The following CLYBL variants were observed in gnomAD, a reference collection of about 807,000 sequenced individuals.
The protein encoded by CLYBL is citramalyl-CoA lyase, mitochondrial.
Under a neutral mutation model 38.9 loss-of-function variants are expected in CLYBL, and 31 were observed. The ratio of observed to expected loss-of-function variants is 0.80; its 90% CI spans 0.60 to 1.08. The LOEUF (loss-of-function observed/expected upper bound fraction) is 1.08. Ranked by LOEUF, CLYBL falls within the 50% of genes least tolerant of loss-of-function variation. The pLI is 0.00. For missense variants in CLYBL, 434 were observed against 411.6 expected, an observed-to-expected ratio of 1.05 and a Z score of -0.47; for synonymous variants, 171 against 158.6, an observed-to-expected ratio of 1.08 and a Z score of -0.59.
intron 1 of CLYBL, among the ~76,000 whole-genome samples, chr13:99,767,163 G>A (rs1313465302): frequency 6.6e-6 from 1 of 152,172 alleles, no homozygotes; most frequent in Non-Finnish European, 1.5e-5. Context: ...CCTGGTGATC[G>A]GCATAATGTG....
In CLYBL at chr13:99,864,888, GAGA is replaced by G. The variant is rs757071703; in HGVS notation, c.615_617del (p.Glu205del). 23 of 1,613,742 alleles carry G rather than the reference GAGA, an allele frequency of 1.4e-5. No individual in the cohort carries two copies. Among genetic ancestry groups the G allele is most frequent in the Middle Eastern group, 1.6e-4 (1 of 6,062 alleles). ...TTTCTAGATGCAGTCGTTTTTGGAG[GAGA>G]AGACTTTCGAGCCAGCATAGGTGTC... On this transcript the variant is annotated inframe_deletion, in exon 5 of 9. Transcript: ENST00000339105.
chr13:99,823,322 A>G (rs1245909653), intron 2 of CLYBL, among the ~76,000 whole-genome samples: 3 of 152,168 alleles, frequency 2.0e-5, no homozygotes, highest in Non-Finnish European at 4.4e-5. Context: ...TCAGCCTACC[A>G]AGTAGCTGAG....
Position 99,606,769 on chromosome 13 carries a change from TC to T in CLYBL, c.62+16del. 7.1e-7 allele frequency: 1 copy of T among 1,415,566 alleles called. No individual in the cohort carries two copies. The highest frequency in any genetic ancestry group is 9.2e-7 in the Non-Finnish European group (1 of 1,087,598). The allele number at this position is 1,415,566 out of a possible 1,614,324, so 87.7% of individuals were successfully genotyped here. A position where few individuals can be genotyped will look rare whatever the true frequency, so the allele number is the denominator to read the frequency against. On this transcript the variant is annotated intron_variant, in intron 1 of 8. Coordinates refer to ENST00000339105, the MANE Select transcript of CLYBL (RefSeq NM_206808.5). ...GCGCTGCTGAGGCTGTGAGTGCAGGTCCCCGTTCCCCGCCTTCCCGGCCCGG... is the reference window on the plus strand; with the variant it reads ...GCGCTGCTGAGGCTGTGAGTGCAGGTCCCGTTCCCCGCCTTCCCGGCCCGG...
At chr13:99,615,658 G>C (rs549149109) in intron 1 of CLYBL, among the ~76,000 whole-genome samples, 1 of 152,248 alleles carries the variant, frequency 6.6e-6, no homozygotes, top group East Asian at 1.9e-4. Context: ...ATTCAAACAG[G>C]TTTAGTTTAT....
chr13:99,810,185 G>GT (rs535755664), intron 2 of CLYBL, among the ~76,000 whole-genome samples: 1 of 152,252 alleles, frequency 6.6e-6, no homozygotes, highest in Admixed American at 6.5e-5. Flanking sequence ...GGGAAAGTAA[G>GT]TGTAGCTCCT....
intron 7 of CLYBL, among the ~76,000 whole-genome samples, chr13:99,883,112 G>A (rs1296932534): frequency 2.6e-5 from 4 of 152,176 alleles, no homozygotes; most frequent in Middle Eastern, 3.2e-3. Context: ...AGGAGCAAAC[G>A]TGGGCCCATC....
chr13:99,615,672 A>G (rs561430304), intron 1 of CLYBL, among the ~76,000 whole-genome samples: 18 of 152,316 alleles, frequency 1.2e-4, no homozygotes, highest in African/African-American at 4.1e-4. Flanking sequence ...AGTTTATTTC[A>G]TGTTGCTACT....
At position 99,606,726 on chromosome 13, in the gene CLYBL, C is replaced by G. The variant is rs184570178; in HGVS notation, c.31C>G (p.Arg11Gly). MALRLLRRAARGAAAAALLRL... is the reference protein window; with the variant it reads MALRLLRRAAGGAAAAALLRL... ...GCTACGTCTGCTGCGGAGGGCGGCG[C>G]GCGGAGCTGCGGCGGCGGCGCTGCT... Residue 11 changes from arginine to glycine, a missense_variant, in exon 1 of 9, where the codon CGC becomes GGC. Coordinates refer to ENST00000339105, the MANE Select transcript of CLYBL (RefSeq NM_206808.5). 5.6e-5 allele frequency: 84 copies of G among 1,490,242 alleles called. No individual in the cohort carries two copies. The highest frequency in any genetic ancestry group is 1.8e-4 in the Admixed American group (8 of 45,430). 92.3% of individuals were successfully genotyped at this position (1,490,242 alleles called of 1,614,324 possible).
intron 1 of CLYBL, among the ~76,000 whole-genome samples, chr13:99,736,089 G>T (rs1468978085): frequency 8.0e-6 from 1 of 124,526 alleles, no homozygotes; most frequent in Admixed American, 1.1e-4. Context: ...CTGTCATCCA[G>T]GCTGGAGTGC....
At chr13:99,825,389 A>G (rs1022484308) in intron 2 of CLYBL, among the ~76,000 whole-genome samples, 1 of 152,188 alleles carries the variant, frequency 6.6e-6, no homozygotes, top group Non-Finnish European at 1.5e-5. Context: ...AATGCCCTTT[A>G]TCATGAATGA....
intron 8 of CLYBL, among the ~76,000 whole-genome samples, chr13:99,904,028 G>A (rs1378048889): frequency 6.7e-6 from 1 of 150,060 alleles, no homozygotes; most frequent in Non-Finnish European, 1.5e-5. Flanking sequence ...CTGGATGACA[G>A]AGTGAGACCC....
chr13:99,829,930 C>T (rs2050772205), intron 2 of CLYBL, among the ~76,000 whole-genome samples: 1 of 152,176 alleles, frequency 6.6e-6, no homozygotes, highest in Non-Finnish European at 1.5e-5. Flanking sequence ...TTGATGGTCT[C>T]ACGGGGTGGC....
chr13:99,732,284 G>A (rs2048605633), intron 1 of CLYBL, among the ~76,000 whole-genome samples: 1 of 146,738 alleles, frequency 6.8e-6, no homozygotes, highest in African/African-American at 2.5e-5. Context: ...CCGGGCCCAA[G>A]CCATCAGTCT....
chr13:99,888,011 A>G (rs1406448495), intron 7 of CLYBL, among the ~76,000 whole-genome samples: 2 of 152,150 alleles, frequency 1.3e-5, no homozygotes, highest in Non-Finnish European at 2.9e-5. Flanking sequence ...ACCCACGACC[A>G]TGCCCAGCTA....
chr13:99,712,923 C>T (rs1056794772), intron 1 of CLYBL, among the ~76,000 whole-genome samples: 3 of 152,114 alleles, frequency 2.0e-5, no homozygotes, highest in Non-Finnish European at 2.9e-5. Flanking sequence ...CTTATTTCCT[C>T]ATTCAGGGCT....
At chr13:99,812,254 T>C (rs1269264303) in intron 2 of CLYBL, among the ~76,000 whole-genome samples, 1 of 152,196 alleles carries the variant, frequency 6.6e-6, no homozygotes. Flanking sequence ...TAACAAGGGA[T>C]TGCACACTCC....
intron 1 of CLYBL, among the ~76,000 whole-genome samples, chr13:99,709,395 C>G (rs977989729): frequency 6.6e-6 from 1 of 152,216 alleles, no homozygotes; most frequent in Non-Finnish European, 1.5e-5. Flanking sequence ...GAAGACACAG[C>G]TGGCAGCACC....
chr13:99,860,084 CAT>C (rs1167558959), intron 3 of CLYBL, among the ~76,000 whole-genome samples: 3 of 152,232 alleles, frequency 2.0e-5, no homozygotes, highest in Non-Finnish European at 2.9e-5. Context: ...GCCACTATGA[CAT>C]GTGGCTTCTG....
intron 1 of CLYBL, among the ~76,000 whole-genome samples, chr13:99,676,780 T>G (rs994673906): frequency 2.0e-5 from 3 of 151,728 alleles, no homozygotes; most frequent in Non-Finnish European, 2.9e-5. Context: ...TAATTTTGTA[T>G]TTTTAGTAGA....
Sources: allele counts gnomAD v4.1 joint callset (sites outside exome capture counted in the v4.1 genomes callset), GRCh38; gene constraint gnomAD v4.1.1; transcripts MANE v1.5; gene names NCBI Gene and HGNC (gene_info 2026-07-23, HGNC 2026-07-21).